Variants in PAOX observed in about 807,000 individuals in gnomAD.
PAOX encodes polyamine oxidase.
PAOX carries 38 observed loss-of-function variants against 39.0 expected under a neutral mutation model. The observed-to-expected ratio is 0.97, with a 90% CI of 0.75 to 1.28. The LOEUF is 1.28. Ranked by LOEUF, PAOX falls within the 50% of genes most tolerant of loss-of-function variation. The pLI, the probability that PAOX is intolerant of heterozygous loss-of-function variation, is 0.00. For missense variants in PAOX, 667 were observed against 685.7 expected, an observed-to-expected ratio of 0.97 and a Z score of 0.30; for synonymous variants, 311 against 314.4, an observed-to-expected ratio of 0.99 and a Z score of 0.11.
At chr10:133,381,692 C>G in intron 3 of PAOX, 33 bp downstream of exon 3, 1 of 1,600,700 alleles carries the variant, frequency 6.2e-7, no homozygotes, top group Non-Finnish European at 8.5e-7. Context: ...ACCCCCATCC[C>G]AAGTGCCCCC....
Position 133,384,005 on chromosome 10 carries a change from CGG to C in PAOX, c.915_916del (p.Ala306Ter), listed in dbSNP as rs746344352. 6.2e-7 allele frequency: 1 copy of C among 1,614,160 alleles called. No homozygotes were observed. The highest frequency in any genetic ancestry group is 2.2e-5 in the East Asian group (1 of 44,884). ...GACACCTTCTTTGACCCTCCCCTGC[CGG>C]CTGAGAAGGCAGAAGCAATCAGGAA... is the stretch of plus-strand genomic sequence containing the variant. On this transcript the variant is annotated frameshift_variant, in exon 4 of 7. Transcript: ENST00000278060. LOFTEE classifies it high-confidence loss of function. This position sits in a 1 kb window ranked among gnomAD's most constrained non-coding sequence, Gnocchi z 4.3.
In PAOX at chr10:133,379,505, C is replaced by T. The variant is rs978958069; in HGVS notation, c.181+8C>T. The T allele has an allele frequency of 5.6e-5, 69 of 1,225,542 alleles. No individual in the cohort carries two copies. The highest frequency in any genetic ancestry group is 6.7e-5 in the Non-Finnish European group (66 of 984,094). 75.9% of individuals were successfully genotyped at this position (1,225,542 alleles called of 1,614,324 possible). A position where few individuals can be genotyped will look rare whatever the true frequency, so the allele number is the denominator to read the frequency against. On this transcript the variant is annotated splice_region_variant and intron_variant, in intron 1 of 6. Transcript: ENST00000278060. ...GCTCGGAGCGCTGCTTCGGTAACCG[C>T]CCCTCCCGGAGCCCCTCCCGGAACC...
At chr10:133,386,967 A>G (rs1020156597) in intron 4 of PAOX, among the ~76,000 whole-genome samples, 1 of 152,220 alleles carries the variant, frequency 6.6e-6, no homozygotes, top group African/African-American at 2.4e-5. Flanking sequence ...TCTTTTATCT[A>G]TCCATGGCTT....
At chr10:133,390,826 T>G in intron 6 of PAOX, 2 of 318,546 alleles carry the variant, frequency 6.3e-6, no homozygotes, top group Non-Finnish European at 1.2e-5. Context: ...CCCAGATCCC[T>G]CCCCCACCCT....
At chr10:133,385,846 G>A (rs1033934877) in intron 4 of PAOX, among the ~76,000 whole-genome samples, 16 of 152,144 alleles carry the variant, frequency 1.1e-4, no homozygotes, top group Non-Finnish European at 1.8e-4. Flanking sequence ...GCCTCCCAAA[G>A]TGCTGGGATT....
chr10:133,389,034 T>C lies in PAOX; in HGVS notation c.1200T>C (p.Leu400=), dbSNP rs112369139. 4.3e-5 allele frequency: 70 copies of C among 1,614,148 alleles called. No individual in the cohort carries two copies. The highest frequency in any genetic ancestry group is 5.8e-5 in the Non-Finnish European group (68 of 1,179,992). ...AGACTCTGTCGGATGAAGAAGTACTTCTGTGTCTCACCCAAGTGCTCCGGA... is the reference window on the plus strand; with the variant it reads ...AGACTCTGTCGGATGAAGAAGTACTCCTGTGTCTCACCCAAGTGCTCCGGA... ...FMETLSDEEV[L]LCLTQVLRRV... The change falls in exon 5 of 7, where the codon CTT becomes CTC. Residue 400 remains leucine (L), a synonymous_variant. Coordinates refer to ENST00000278060, the MANE Select transcript of PAOX (RefSeq NM_152911.4).
chr10:133,380,066 G>A lies in PAOX; in HGVS notation c.249G>A (p.Leu83=), dbSNP rs1318337835. The A allele has an allele frequency of 1.3e-6, 2 of 1,529,472 alleles. No individual in the cohort carries two copies. Among genetic ancestry groups the A allele is most frequent in the Non-Finnish European group, 1.8e-6 (2 of 1,141,484 alleles). The allele number at this position is 1,529,472 out of a possible 1,614,324, so 94.7% of individuals were successfully genotyped here. A position where few individuals can be genotyped will look rare whatever the true frequency, so the allele number is the denominator to read the frequency against. The change falls in exon 2 of 7, where the codon CTG becomes CTA. Residue 83 remains leucine (L), a synonymous_variant. Transcript: ENST00000278060. ...GPSRGNPVFQ[L]AAEYGLLGEK... is the part of the protein sequence containing the mutation. ...CCCGGGGTAACCCCGTCTTCCAGCTGGCTGCTGAGTACGGGCTGCTGGGGG... is the reference window on the plus strand; with the variant it reads ...CCCGGGGTAACCCCGTCTTCCAGCTAGCTGCTGAGTACGGGCTGCTGGGGG...
intron 4 of PAOX, among the ~76,000 whole-genome samples, chr10:133,388,247 A>G (rs1160228922): frequency 6.6e-6 from 1 of 152,186 alleles, no homozygotes; most frequent in African/African-American, 2.4e-5. Flanking sequence ...TCTATCACCC[A>G]GGAATTAAAC....
In PAOX at chr10:133,391,401, C is replaced by A; in HGVS notation, c.1482C>A (p.Asp494Glu). Residue 494 changes from aspartate (D) to glutamate (E), a missense_variant, in exon 7 of 7, where the codon GAC becomes GAA. Transcript: ENST00000278060. ...TGCTGTCGGGATGGAGGGAGGCCGA[C>A]CGCCTCCTCAGTCTGTGGGCCCCGC... Reference protein sequence around the residue: ...GALLSGWREADRLLSLWAPQV... With the variant: ...GALLSGWREAERLLSLWAPQV... 6.2e-7 allele frequency: 1 copy of A among 1,613,156 alleles called. No individual in the cohort carries two copies. The highest frequency in any genetic ancestry group is 8.5e-7 in the Non-Finnish European group (1 of 1,180,014).
At chr10:133,381,348 G>A (rs1849368175) in intron 2 of PAOX, 112 bp from the exon 3 acceptor site, 1 of 1,001,592 alleles carries the variant, frequency 1.0e-6, no homozygotes, top group South Asian at 1.5e-5. Flanking sequence ...GAGCGATGGA[G>A]AGCTCCCCGC....
Position 133,384,554 on chromosome 10 carries a change from C to T in PAOX, c.1121+342C>T, listed in dbSNP as rs1361137114. ...CAGAAGAACTTTGAAACACCATCTGCCCATACGTGGGGAGACAATACTTAA... is the reference window on the plus strand; with the variant it reads ...CAGAAGAACTTTGAAACACCATCTGTCCATACGTGGGGAGACAATACTTAA... On this transcript the variant is annotated intron_variant, in intron 4 of 6. Transcript: ENST00000278060. This position sits in a 1 kb window ranked among gnomAD's most constrained non-coding sequence, Gnocchi z 4.3. Among the ~76,000 whole-genome samples the T allele has an allele frequency of 1.3e-5, 2 of 152,138 alleles. No individual in the cohort carries two copies. The highest frequency in any genetic ancestry group is 1.3e-4 in the Admixed American group (2 of 15,272).
intron 5 of PAOX, 107 bp downstream of exon 5, chr10:133,389,175 CTG>C (rs1849603914): frequency 1.2e-6 from 1 of 865,170 alleles, no homozygotes; most frequent in Non-Finnish European, 2.0e-6. Context: ...TTGGCTGACT[CTG>C]TACATCTCCA....
chr10:133,388,582 C>T (rs1330545590), intron 4 of PAOX, among the ~76,000 whole-genome samples: 1 of 152,244 alleles, frequency 6.6e-6, no homozygotes, highest in Admixed American at 6.5e-5. Flanking sequence ...TGCCCTGGCT[C>T]TTGCTCAGGT....
rs1849329989 is a variant in PAOX, at chr10:133,380,330, A to G, written c.513A>G (p.Thr171=). Residue 171 remains threonine, a synonymous_variant, in exon 2 of 7, where the codon ACA becomes ACG. Coordinates refer to ENST00000278060, the MANE Select transcript of PAOX (RefSeq NM_152911.4). ...TTGGCCAGCACGTGGCCGGCTGGAC[A>G]GAGGATGAGGAGACCAGGAAGCTGA... ...KEIGQHVAGW[T]EDEETRKLKL... The G allele has an allele frequency of 3.1e-6, 5 of 1,612,940 alleles. No individual in the cohort carries two copies. In the East Asian group the frequency reaches 1.1e-4, roughly 36 times the overall value.
At chr10:133,379,871 C>T in intron 1 of PAOX, 128 bp from the exon 2 acceptor site, 1 of 1,279,840 alleles carries the variant, frequency 7.8e-7, no homozygotes, top group Non-Finnish European at 1.1e-6. Flanking sequence ...TGGGGGACCA[C>T]AGGGCCCTTG....
intron 2 of PAOX, 95 bp from the exon 3 acceptor site, chr10:133,381,365 C>T: frequency 2.5e-6 from 3 of 1,218,106 alleles, no homozygotes; most frequent in Admixed American, 1.9e-5. Flanking sequence ...CCGCAGCTAC[C>T]TTTGATGCGG....
chr10:133,382,644 T>C (rs1030102667), intron 3 of PAOX, among the ~76,000 whole-genome samples: 1 of 152,128 alleles, frequency 6.6e-6, no homozygotes, highest in Non-Finnish European at 1.5e-5. Context: ...TAGCTGGGCA[T>C]GGTGGCAGGC....
At position 133,380,478 on chromosome 10, in the gene PAOX, T is replaced by G; in HGVS notation, c.661T>G (p.Phe221Val). 2 of 1,605,766 alleles carry G rather than the reference T, an allele frequency of 1.2e-6. No individual in the cohort carries two copies. The highest frequency in any genetic ancestry group is 4.5e-5 in the East Asian group (2 of 44,842). The change falls in exon 2 of 7, where the codon TTT becomes GTT. Residue 221 changes from phenylalanine to valine, a missense_variant. Physicochemically the swap from Phe to Val is conservative, Grantham distance 50. Transcript: ENST00000278060. ...YTVLPGLDCT[F>V]SKGYQGLTNC... The stretch of plus-strand genomic sequence containing the variant: ...CGTGCTGCCGGGGCTGGACTGCACC[T>G]TTTCTAAGTGCGTGCCTGAGCCCCT...
intron 6 of PAOX, 54 bp downstream of exon 6, chr10:133,389,801 C>G (rs972501352): frequency 1.4e-6 from 2 of 1,398,922 alleles, no homozygotes; most frequent in Non-Finnish European, 1.9e-6. Context: ...AGGCCCCCGC[C>G]GAGTCTGGGC....
Sources: gnomAD v4.1 joint callset for allele counts (sites outside exome capture counted in the v4.1 genomes callset) on GRCh38, gnomAD v4.1.1 for gene constraint, Gnocchi (gnomAD v3.1) non-coding constraint, MANE v1.5 for transcripts, NCBI Gene and HGNC (gene_info 2026-07-23, HGNC 2026-07-21) for gene names.